TSPAN8: variants seen among roughly 807,000 people sequenced by gnomAD.
TSPAN8 encodes tetraspanin-8.
Under a neutral mutation model 32.8 loss-of-function variants are expected in TSPAN8, and 21 were observed. That is an observed-to-expected ratio of 0.64 (90% CI 0.45 to 0.92). The LOEUF (loss-of-function observed/expected upper bound fraction) is 0.92. Among genes scored for constraint, TSPAN8 ranks in the 40% least tolerant of loss-of-function variants. The probability of loss-of-function intolerance (pLI) is 0.00; values close to 1 mark genes in which losing one functional copy is unlikely to be tolerated. For missense variants in TSPAN8, 269 were observed against 281.9 expected (o/e 0.95, Z 0.33); for synonymous variants, 95 against 94.6 (o/e 1.00, Z -0.03).
intron 2 of TSPAN8, among the ~76,000 whole-genome samples, chr12:71,144,786 C>A (rs1872020495): frequency 3.9e-5 from 6 of 152,082 alleles, no homozygotes; most frequent in Non-Finnish European, 8.8e-5. Flanking sequence ...AAAACAAGCT[C>A]TTTTAGGTGG....
intron 2 of TSPAN8, 69 bp downstream of exon 2, chr12:71,157,549 CT>C (rs1416236549): frequency 9.1e-7 from 1 of 1,097,316 alleles, no homozygotes; most frequent in Non-Finnish European, 1.4e-6. Flanking sequence ...ACAGTCTGTT[CT>C]TGTTTATGAT....
intron 8 of TSPAN8, among the ~76,000 whole-genome samples, 168 bp downstream of exon 8, chr12:71,129,163 C>G (rs1019605965): frequency 1.3e-5 from 2 of 151,690 alleles, no homozygotes; most frequent in East Asian, 1.9e-4. Flanking sequence ...TCAGGCTGAT[C>G]GAGGGAGATG....
At chr12:71,143,401 C>T (rs544224546) in intron 3 of TSPAN8, among the ~76,000 whole-genome samples, 1 of 152,130 alleles carries the variant, frequency 6.6e-6, no homozygotes, top group Non-Finnish European at 1.5e-5. Flanking sequence ...AGATACCACA[C>T]GTATGGGGTC....
At chr12:71,131,600 G>A (rs989305979) in intron 7 of TSPAN8, among the ~76,000 whole-genome samples, 6 of 151,084 alleles carry the variant, frequency 4.0e-5, no homozygotes, top group East Asian at 2.0e-4. Context: ...TAATGTATCT[G>A]CCTCTCAACT....
In TSPAN8 at chr12:71,139,781, G is replaced by T. The variant is rs768443562; in HGVS notation, c.191C>A (p.Ala64Asp). 3 of 1,614,008 alleles carry T rather than the reference G, an allele frequency of 1.9e-6. No individual in the cohort carries two copies. In the South Asian group the frequency reaches 3.3e-5, roughly 18 times the overall value. Residue 64 changes from alanine (A) to aspartate (D), a missense_variant, in exon 4 of 9, where the codon GCC (alanine) becomes GAC (aspartate). By Grantham distance (126) the Ala-to-Asp change is moderately radical. Transcript: ENST00000247829. ...VAVDILIAVG[A>D]IIMILGFLGC... ...CAGGAAGCCCAGAATCATGATGATG[G>T]CACCTACAGCAATCAATATGTCCAC... is the stretch of plus-strand genomic sequence containing the variant.
intron 2 of TSPAN8, chr12:71,156,992 C>T (rs983777062): frequency 2.0e-5 from 3 of 152,102 alleles, no homozygotes; most frequent in African/African-American, 7.2e-5. Flanking sequence ...TAACAAATTG[C>T]TAAAATACAA....
chr12:71,145,070 G>T (rs1872031892), intron 2 of TSPAN8, among the ~76,000 whole-genome samples: 1 of 152,056 alleles, frequency 6.6e-6, no homozygotes, highest in African/African-American at 2.4e-5. Context: ...GGCCTTGGGG[G>T]ACTTAGTAGA....
chr12:71,134,271 T>A (rs775758201), intron 6 of TSPAN8, among the ~76,000 whole-genome samples: 1 of 152,238 alleles, frequency 6.6e-6, no homozygotes, highest in Non-Finnish European at 1.5e-5. Flanking sequence ...CTGTTGGTGT[T>A]GTTTCTGTCA....
At chr12:71,126,862 G>A (rs1467646834) in intron 8 of TSPAN8, among the ~76,000 whole-genome samples, 1 of 151,902 alleles carries the variant, frequency 6.6e-6, no homozygotes, top group African/African-American at 2.4e-5. Context: ...GCTGTTTTAA[G>A]CTAGAGTAAT....
At chr12:71,146,263 C>T (rs1412572437) in intron 2 of TSPAN8, among the ~76,000 whole-genome samples, 1 of 152,134 alleles carries the variant, frequency 6.6e-6, no homozygotes, top group Admixed American at 6.5e-5. Context: ...CTTCAAACTT[C>T]ATTTTAAAAA....
intron 2 of TSPAN8, among the ~76,000 whole-genome samples, chr12:71,149,707 T>G (rs1378707834): frequency 6.6e-6 from 1 of 152,258 alleles, no homozygotes; most frequent in African/African-American, 2.4e-5. Context: ...TTAATCCTGT[T>G]ATCTTCGTAA....
chr12:71,134,616 C>G (rs1307143669), intron 6 of TSPAN8, among the ~76,000 whole-genome samples: 11 of 152,180 alleles, frequency 7.2e-5, no homozygotes, highest in Non-Finnish European at 1.5e-5. Flanking sequence ...CTTTCCTGTT[C>G]CCATGGTAGA....
chr12:71,132,610 C>T, intron 7 of TSPAN8, 83 bp downstream of exon 7: 2 of 1,466,002 alleles, frequency 1.4e-6, no homozygotes, highest in Non-Finnish European at 1.9e-6. Context: ...GTACTCCATG[C>T]ATTTTAATTT....
chr12:71,136,093 G>GAAA (rs34529586), intron 6 of TSPAN8, among the ~76,000 whole-genome samples: 17 of 149,016 alleles, frequency 1.1e-4, no homozygotes, highest in African/African-American at 1.2e-4. Context: ...CTCTGAGGGA[G>GAAA]AAAAAAAAAA....
At chr12:71,157,518 C>A in intron 2 of TSPAN8, 101 bp downstream of exon 2, 1 of 787,136 alleles carries the variant, frequency 1.3e-6, no homozygotes, top group Admixed American at 2.2e-5. Flanking sequence ...CATTTTCCCC[C>A]TTCTCTTATT....
At chr12:71,144,073 T>C in intron 3 of TSPAN8, 78 bp downstream of exon 3, 1 of 1,276,646 alleles carries the variant, frequency 7.8e-7, no homozygotes. Context: ...TGTTTATTAC[T>C]ATTATTGTTA....
chr12:71,134,949 C>T (rs966026022), intron 6 of TSPAN8, among the ~76,000 whole-genome samples: 6 of 152,134 alleles, frequency 3.9e-5, no homozygotes, highest in African/African-American at 1.2e-4. Flanking sequence ...GCAGTAGGCA[C>T]TAATGATACA....
At chr12:71,156,269 C>CAAAAAACA (rs1287011627) in intron 2 of TSPAN8, among the ~76,000 whole-genome samples, 1 of 32,516 alleles carries the variant, frequency 3.1e-5, no homozygotes, top group African/African-American at 1.3e-4. Flanking sequence ...AAAAAAAAAA[C>CAAAAAACA]AAACAAAAAA....
intron 6 of TSPAN8, 82 bp downstream of exon 6, chr12:71,137,871 T>C: frequency 7.8e-7 from 1 of 1,277,326 alleles, no homozygotes; most frequent in Non-Finnish European, 1.1e-6. Context: ...CATTTTTCAA[T>C]CTTTAAGGAA....
Sources: gnomAD v4.1 joint callset for allele counts (sites outside exome capture counted in the v4.1 genomes callset) on GRCh38, gnomAD v4.1.1 for gene constraint, MANE v1.5 for transcripts, NCBI Gene and HGNC (gene_info 2026-07-23, HGNC 2026-07-21) for gene names.